The following SNTG1 variants were observed in gnomAD, a reference collection of about 807,000 sequenced individuals.
SNTG1 encodes syntrophin gamma 1.
SNTG1 carries 39 observed loss-of-function variants against 74.7 expected under a neutral mutation model. The ratio of observed to expected loss-of-function variants is 0.52; its 90% confidence interval spans 0.40 to 0.68. SNTG1 has a LOEUF of 0.68. Among genes scored for constraint, SNTG1 ranks in the 30% least tolerant of loss-of-function variants. SNTG1 has a pLI of 0.00. For missense variants in SNTG1, 685 were observed against 609.5 expected (o/e 1.12, Z -1.30); for synonymous variants, 254 against 217.1 (o/e 1.17, Z -1.49).
At chr8:50,115,576 A>AAAAAAAAAAAAAAAAAACAAAAAAAAAAC (rs1482375164) in intron 1 of SNTG1, among the ~76,000 whole-genome samples, 1 of 82,800 alleles carries the variant, frequency 1.2e-5, no homozygotes, top group Non-Finnish European at 2.7e-5. Context: ...TCAAAAAAAA[A>AAAAAAAAAAAAAAAAAACAAAAAAAAAAC]AAAAAAAAAA....
At chr8:50,141,314 C>T (rs527362848) in intron 1 of SNTG1, among the ~76,000 whole-genome samples, 1 of 152,196 alleles carries the variant, frequency 6.6e-6, no homozygotes, top group Non-Finnish European at 1.5e-5. Flanking sequence ...CCTGTAAGAG[C>T]TTCAGCTCTT....
chr8:50,702,907 TAAAGTA>T, intron 15 of SNTG1, among the ~76,000 whole-genome samples: 1 of 151,984 alleles, frequency 6.6e-6, no homozygotes, highest in Non-Finnish European at 1.5e-5. Context: ...ATAGAAAAAG[TAAAGTA>T]AAAGTACAGT....
At chr8:50,776,478 A>G (rs973941648) in intron 18 of SNTG1, among the ~76,000 whole-genome samples, 8 of 147,368 alleles carry the variant, frequency 5.4e-5, no homozygotes, top group Non-Finnish European at 9.0e-5. Context: ...TGTACTATAA[A>G]TATTGTTTAT....
intron 1 of SNTG1, among the ~76,000 whole-genome samples, chr8:49,920,445 T>C (rs1806428720): frequency 6.6e-6 from 1 of 152,066 alleles, no homozygotes; most frequent in African/African-American, 2.4e-5. Context: ...GATCAATATT[T>C]AATGCTTTTC....
intron 2 of SNTG1, among the ~76,000 whole-genome samples, chr8:50,251,766 AGAC>A (rs2086657255): frequency 6.6e-6 from 1 of 152,086 alleles, no homozygotes; most frequent in East Asian, 1.9e-4. Flanking sequence ...TAATGGTAAG[AGAC>A]TTCAGCTTCA....
intron 18 of SNTG1, among the ~76,000 whole-genome samples, chr8:50,792,333 AAT>A (rs1373795045): frequency 4.0e-5 from 6 of 151,884 alleles, no homozygotes; most frequent in African/African-American, 1.4e-4. Flanking sequence ...AAGAGATAAA[AAT>A]ACTTTTAAAA....
chr8:50,487,704 G>GT (rs1554544216), intron 8 of SNTG1, among the ~76,000 whole-genome samples: 32 of 149,912 alleles, frequency 2.1e-4, no homozygotes, highest in Non-Finnish European at 8.9e-5. Context: ...GGAGGGGGGG[G>GT]AGGGATAGCA....
chr8:50,405,952 A>G (rs936977908), intron 4 of SNTG1, among the ~76,000 whole-genome samples: 2 of 152,134 alleles, frequency 1.3e-5, no homozygotes, highest in African/African-American at 4.8e-5. Flanking sequence ...TCTTTATGCC[A>G]GTAACGCACA....
intron 2 of SNTG1, among the ~76,000 whole-genome samples, chr8:50,181,776 T>G (rs1253184344): frequency 6.6e-6 from 1 of 152,196 alleles, no homozygotes; most frequent in African/African-American, 2.4e-5. Context: ...TATATGCTTT[T>G]GAAATGTGAT....
intron 11 of SNTG1, among the ~76,000 whole-genome samples, chr8:50,543,757 A>G (rs1022504760): frequency 2.0e-5 from 3 of 151,856 alleles, no homozygotes; most frequent in Non-Finnish European, 4.4e-5. Context: ...TCTTTTAAGA[A>G]GCAACCAAAT....
chr8:50,702,069 T>G (rs1416294855), intron 15 of SNTG1, among the ~76,000 whole-genome samples: 1 of 66 alleles, frequency 0.015, no homozygotes, highest in East Asian at 0.5. Flanking sequence ...CAGTCTGGTC[T>G]GGAACTCCCC....
intron 15 of SNTG1, among the ~76,000 whole-genome samples, chr8:50,672,022 C>T (rs1356250871): frequency 1.7e-5 from 2 of 119,928 alleles, no homozygotes; most frequent in East Asian, 2.5e-4. Context: ...GGAAGGGGAA[C>T]ATCACACTCT....
chr8:49,990,494 T>A (rs1813575880), intron 1 of SNTG1, among the ~76,000 whole-genome samples: 1 of 151,994 alleles, frequency 6.6e-6, no homozygotes, highest in Admixed American at 6.6e-5. Context: ...AAGAACAATG[T>A]TAGAGGCCTC....
intron 15 of SNTG1, among the ~76,000 whole-genome samples, chr8:50,683,483 T>G (rs896589798): frequency 2.0e-5 from 3 of 152,144 alleles, no homozygotes; most frequent in African/African-American, 7.2e-5. Context: ...GGCCAAAAAC[T>G]TCCCCTTTAT....
At chr8:50,716,164 A>T (rs1229800185) in intron 17 of SNTG1, among the ~76,000 whole-genome samples, 1 of 152,164 alleles carries the variant, frequency 6.6e-6, no homozygotes, top group Non-Finnish European at 1.5e-5. Context: ...CATAATATGA[A>T]TTCCATAGCT....
At chr8:50,418,465 G>A (rs1236390641) in intron 4 of SNTG1, among the ~76,000 whole-genome samples, 2 of 151,976 alleles carry the variant, frequency 1.3e-5, no homozygotes, top group African/African-American at 4.8e-5. Flanking sequence ...ATGGTGCAAA[G>A]CTTAGTTCTT....
chr8:50,763,171 T>C (rs1001896083), intron 18 of SNTG1, among the ~76,000 whole-genome samples: 3 of 152,056 alleles, frequency 2.0e-5, no homozygotes, highest in South Asian at 4.1e-4. Flanking sequence ...CCTTCCAATT[T>C]TGGGGACAGT....
At chr8:50,468,831 G>T (rs913945482) in intron 8 of SNTG1, among the ~76,000 whole-genome samples, 4 of 151,980 alleles carry the variant, frequency 2.6e-5, no homozygotes, top group Non-Finnish European at 4.4e-5. Context: ...TCCATTATGC[G>T]TTTTTAAAAA....
intron 1 of SNTG1, among the ~76,000 whole-genome samples, chr8:50,137,641 G>T (rs1187186084): frequency 6.6e-6 from 1 of 152,184 alleles, no homozygotes; most frequent in African/African-American, 2.4e-5. Flanking sequence ...ACCTAGAGTG[G>T]ATGGGGAGGC....
Sources: gnomAD v4.1 joint callset for allele counts (sites outside exome capture counted in the v4.1 genomes callset) on GRCh38, gnomAD v4.1.1 for gene constraint, MANE v1.5 for transcripts, NCBI Gene and HGNC (gene_info 2026-07-23, HGNC 2026-07-21) for gene names.